Variants in YIPF1 observed in about 807,000 individuals in gnomAD.
YIPF1 encodes the protein protein YIPF1.
In YIPF1, 22 loss-of-function variants were observed where a neutral mutation model predicts 37.0. That is an observed-to-expected ratio of 0.59 (90% CI 0.42 to 0.85). The LOEUF is 0.85. Ranked by LOEUF, YIPF1 falls within the 40% of genes least tolerant of loss-of-function variation. The pLI, the probability that YIPF1 is intolerant of heterozygous loss-of-function variation, is 0.00. For synonymous variants in YIPF1, 128 were observed against 131.9 expected, an observed-to-expected ratio of 0.97 and a Z score of 0.21; for missense variants, 355 against 373.1, an observed-to-expected ratio of 0.95 and a Z score of 0.40.
chr1:53,867,002 T>C, intron 7 of YIPF1, 78 bp from the exon 8 acceptor site: 1 of 1,488,690 alleles, frequency 6.7e-7, no homozygotes. Flanking sequence ...CACCTTATTG[T>C]ACTTAAATGC....
intron 8 of YIPF1, 142 bp from the exon 9 acceptor site, chr1:53,866,524 C>A (rs796093684): frequency 1.0e-6 from 1 of 990,450 alleles, no homozygotes; most frequent in Non-Finnish European, 1.5e-6. Context: ...GCTGGAGGAA[C>A]ACCACCAGCA....
intron 7 of YIPF1, among the ~76,000 whole-genome samples, chr1:53,869,156 T>TCA (rs1389115434): frequency 0.015 from 1,833 of 125,502 alleles, 10 homozygotes; most frequent in Non-Finnish European, 0.022. Context: ...TCTCTCTCTC[T>TCA]CTCTCACACA....
intron 10 of YIPF1, among the ~76,000 whole-genome samples, chr1:53,857,104 G>A (rs1649738386): frequency 6.6e-6 from 1 of 152,206 alleles, no homozygotes. Context: ...CCGTCAGCAA[G>A]AAGGCCCTCA....
chr1:53,878,519 A>T (rs758445721), intron 5 of YIPF1, 117 bp from the exon 6 acceptor site: 4 of 1,454,378 alleles, frequency 2.8e-6, no homozygotes, highest in Non-Finnish European at 3.8e-6. Context: ...AAATGCTAAT[A>T]ACCCTTTACT....
At chr1:53,884,850 G>A (rs561363782) in intron 3 of YIPF1, among the ~76,000 whole-genome samples, 132 of 152,286 alleles carry the variant, frequency 8.7e-4, no homozygotes, top group African/African-American at 3.2e-3. Context: ...GTGCCAGCAG[G>A]GCACCATTAT....
chr1:53,886,854 G>A (rs1388226746), intron 3 of YIPF1: 1 of 152,032 alleles, frequency 6.6e-6, no homozygotes, highest in African/African-American at 2.4e-5. Context: ...GATTTGAACA[G>A]AGCAAAGAAG....
chr1:53,869,181 C>CACACAT (rs1557605432), intron 7 of YIPF1, among the ~76,000 whole-genome samples: 4 of 152,064 alleles, frequency 2.6e-5, no homozygotes, highest in African/African-American at 7.2e-5. Context: ...CACACACACA[C>CACACAT]ACACACACAG....
chr1:53,858,979 T>C (rs1649795776), intron 10 of YIPF1, among the ~76,000 whole-genome samples: 1 of 152,186 alleles, frequency 6.6e-6, no homozygotes, highest in African/African-American at 2.4e-5. Flanking sequence ...CCCCTGGTTT[T>C]TGCACACATC....
chr1:53,866,480 G>A lies in YIPF1; in HGVS notation c.649-98C>T, dbSNP rs985923187. The A allele has an allele frequency of 3.0e-6, 4 of 1,334,454 alleles. No homozygotes were observed. The East Asian group carries it at 7.2e-5, about 24-fold the overall frequency. The allele number at this position is 1,334,454 out of a possible 1,614,324, so 82.7% of individuals were successfully genotyped here. A position where few individuals can be genotyped will look rare whatever the true frequency, so the allele number is the denominator to read the frequency against. ...AAGGCCCCTGAGCCAATCAGCAGCT[G>A]GGCCCCCATTGCCACTCTGGTTTTT... On this transcript the variant is annotated intron_variant, in intron 8 of 10. Transcript: ENST00000072644.
At chr1:53,871,889 A>C (rs569271704) in intron 6 of YIPF1, among the ~76,000 whole-genome samples, 1 of 152,128 alleles carries the variant, frequency 6.6e-6, no homozygotes. Context: ...AGCATCACAG[A>C]GAAAGAAGTT....
chr1:53,852,898 A>G (rs1649631676), intron 10 of YIPF1, among the ~76,000 whole-genome samples: 1 of 152,238 alleles, frequency 6.6e-6, no homozygotes. Context: ...GAAAAAGAAA[A>G]GAAGTGGAGA....
At chr1:53,883,312 T>A (rs763584844) in intron 3 of YIPF1, 36 bp from the exon 4 acceptor site, 1 of 1,493,242 alleles carries the variant, frequency 6.7e-7, no homozygotes, top group Non-Finnish European at 8.9e-7. Context: ...CTCAGAAACC[T>A]TACCCACACT....
At chr1:53,878,977 C>A (rs1274064999) in intron 4 of YIPF1, among the ~76,000 whole-genome samples, 1 of 152,222 alleles carries the variant, frequency 6.6e-6, no homozygotes, top group Non-Finnish European at 1.5e-5. Context: ...TGGCAAATCA[C>A]TAGACTCCTG....
At chr1:53,869,160 TCACA>T (rs55922911) in intron 7 of YIPF1, among the ~76,000 whole-genome samples, 51,444 of 137,538 alleles carry the variant, frequency 0.37, 9,518 homozygotes, top group East Asian at 0.56. Context: ...TCTCTCTCTC[TCACA>T]CACACACACA....
intron 7 of YIPF1, among the ~76,000 whole-genome samples, chr1:53,869,688 T>C (rs545619086): frequency 2.4e-4 from 37 of 152,240 alleles, no homozygotes; most frequent in African/African-American, 8.9e-4. Flanking sequence ...ACTTCCTCAT[T>C]TGGGGGCAGC....
intron 7 of YIPF1, among the ~76,000 whole-genome samples, chr1:53,869,866 TC>T (rs1557605634): frequency 7.0e-6 from 1 of 142,724 alleles, no homozygotes; most frequent in African/African-American, 2.6e-5. Context: ...GACTTCTTTC[TC>T]CCCGCTTTTT....
intron 7 of YIPF1, 76 bp from the exon 8 acceptor site, chr1:53,867,000 T>C (rs896284814): frequency 4.7e-6 from 7 of 1,490,254 alleles, no homozygotes; most frequent in Admixed American, 2.3e-5. Context: ...AACACCTTAT[T>C]GTACTTAAAT....
intron 6 of YIPF1, among the ~76,000 whole-genome samples, chr1:53,872,930 C>T (rs1035313168): frequency 6.6e-6 from 1 of 152,062 alleles, no homozygotes; most frequent in Non-Finnish European, 1.5e-5. Flanking sequence ...GCAAAAAAAA[C>T]CAACAACAAA....
At chr1:53,853,052 G>T (rs67497340) in intron 10 of YIPF1, among the ~76,000 whole-genome samples, 8 of 151,966 alleles carry the variant, frequency 5.3e-5, no homozygotes, top group Non-Finnish European at 4.4e-5. Context: ...AAGGTGAGTG[G>T]GGGGAATCTA....
Sources: allele counts gnomAD v4.1 joint callset (sites outside exome capture counted in the v4.1 genomes callset), GRCh38; gene constraint gnomAD v4.1.1; transcripts MANE v1.5; gene names NCBI Gene and HGNC (gene_info 2026-07-23, HGNC 2026-07-21).